FER: variants seen among roughly 807,000 people sequenced by gnomAD.
FER encodes FER tyrosine kinase, also known as tyrosine-protein kinase Fer.
Under a neutral mutation model 111.0 loss-of-function variants are expected in FER, and 63 were observed. The observed-to-expected ratio is 0.57, with a 90% CI of 0.46 to 0.70. FER has a LOEUF of 0.70. Ranked by LOEUF, FER falls within the 30% of genes least tolerant of loss-of-function variation. FER has a pLI of 0.00. For synonymous variants in FER, 327 were observed against 313.9 expected, an observed-to-expected ratio of 1.04 and a Z score of -0.44; for missense variants, 914 against 954.0, an observed-to-expected ratio of 0.96 and a Z score of 0.55.
intron 17 of FER, among the ~76,000 whole-genome samples, chr5:109,114,312 G>T (rs1290828173): frequency 1.3e-5 from 2 of 151,952 alleles, no homozygotes; most frequent in African/African-American, 4.8e-5. Flanking sequence ...TATCACTTTT[G>T]AATTGTGAAA....
intron 10 of FER, among the ~76,000 whole-genome samples, chr5:108,915,442 T>C (rs900659123): frequency 2.0e-5 from 3 of 152,096 alleles, no homozygotes; most frequent in East Asian, 1.9e-4. Flanking sequence ...TCAATCAAAA[T>C]TGACACTCCA....
chr5:109,068,977 T>C (rs961009502), intron 16 of FER, among the ~76,000 whole-genome samples: 1 of 152,210 alleles, frequency 6.6e-6, no homozygotes, highest in Non-Finnish European at 1.5e-5. Flanking sequence ...CCATTTTGGC[T>C]TAGTCCAAAT....
At position 108,832,826 on chromosome 5, in the gene FER, T is replaced by C. The variant is rs568317515; in HGVS notation, c.264T>C (p.His88=). ...TEQLSRIMKT[H]AEDLNSGPLH... ...AACTTAGTAGGATAATGAAGACACA[T>C]GCAGAGGACTTGAACTCTGGACCTT... The change falls in exon 4 of 20, where the codon CAT becomes CAC. Residue 88 remains histidine, a synonymous_variant. Transcript: ENST00000281092. The C allele has an allele frequency of 1.7e-5, 27 of 1,605,154 alleles. No individual in the cohort carries two copies. The East Asian group carries it at 6.1e-4, about 36-fold the overall frequency.
chr5:109,117,229 T>C (rs767065799), intron 17 of FER, among the ~76,000 whole-genome samples: 1 of 152,190 alleles, frequency 6.6e-6, no homozygotes, highest in Non-Finnish European at 1.5e-5. Flanking sequence ...ATTAAATGTT[T>C]AGTCTACTTA....
At chr5:108,952,795 C>T (rs1757943145) in intron 11 of FER, among the ~76,000 whole-genome samples, 1 of 151,936 alleles carries the variant, frequency 6.6e-6, no homozygotes, top group South Asian at 2.1e-4. Context: ...TTAATTAGTT[C>T]ATCGAACTCT....
intron 1 of FER, among the ~76,000 whole-genome samples, chr5:108,765,071 A>C (rs1475300539): frequency 1.3e-5 from 2 of 152,162 alleles, no homozygotes; most frequent in Non-Finnish European, 2.9e-5. Flanking sequence ...TTAGAGATGA[A>C]AGTATGTGTA....
intron 8 of FER, among the ~76,000 whole-genome samples, chr5:108,880,013 C>A (rs912375867): frequency 6.6e-6 from 1 of 151,824 alleles, no homozygotes; most frequent in Non-Finnish European, 1.5e-5. Context: ...TCCTGGCCTC[C>A]CTGTATAATT....
At chr5:108,952,235 A>G (rs1373351582) in intron 11 of FER, among the ~76,000 whole-genome samples, 5 of 152,114 alleles carry the variant, frequency 3.3e-5, no homozygotes, top group African/African-American at 1.2e-4. Context: ...GCTGAGAAAG[A>G]TGGGATATTT....
chr5:108,789,984 T>G (rs900339047), intron 2 of FER, among the ~76,000 whole-genome samples: 4 of 152,278 alleles, frequency 2.6e-5, no homozygotes, highest in African/African-American at 9.6e-5. Flanking sequence ...TTTTTCCAAG[T>G]TACAGAATAA....
chr5:109,132,412 G>A (rs145011895), intron 17 of FER, among the ~76,000 whole-genome samples: 70 of 152,244 alleles, frequency 4.6e-4, no homozygotes, highest in African/African-American at 1.4e-3. Flanking sequence ...ATGCATCAGT[G>A]AACAAAACAA....
rs145014923 is a variant in FER at position 109,059,017 on chromosome 5, G to A, written c.1924+11819G>A. 3.9e-5 allele frequency among the ~76,000 whole-genome samples: 6 copies of A among 152,118 alleles called. No individual in the cohort carries two copies. In the East Asian group the frequency reaches 7.7e-4, roughly 20 times the overall value. On this transcript the variant is annotated intron_variant, in intron 16 of 19. Coordinates refer to ENST00000281092, the MANE Select transcript of FER (RefSeq NM_005246.4). ...AGCCTCCCTAAGTGGTGGGATTACA[G>A]GCGTGAGCCACCATGCCCGGCCAAT...
intron 10 of FER, among the ~76,000 whole-genome samples, chr5:108,904,029 C>T (rs1427090024): frequency 6.6e-6 from 1 of 151,980 alleles, no homozygotes; most frequent in Non-Finnish European, 1.5e-5. Context: ...CTTAATGCAT[C>T]TTAGGTATCA....
chr5:108,933,285 G>A (rs1325037289), intron 10 of FER, among the ~76,000 whole-genome samples: 1 of 152,162 alleles, frequency 6.6e-6, no homozygotes, highest in Non-Finnish European at 1.5e-5. Flanking sequence ...GTGTGAGGAA[G>A]GGGTCCAGTT....
chr5:108,975,701 T>TA (rs1337248942), intron 13 of FER, among the ~76,000 whole-genome samples: 11 of 152,206 alleles, frequency 7.2e-5, no homozygotes, highest in African/African-American at 2.7e-4. Flanking sequence ...CAATGAGATG[T>TA]AAAAATGTAA....
intron 17 of FER, among the ~76,000 whole-genome samples, chr5:109,147,006 T>C (rs1315446783): frequency 6.6e-6 from 1 of 151,960 alleles, no homozygotes. Flanking sequence ...TGTTGAGGAA[T>C]ACAGAATATA....
chr5:108,757,642 G>T (rs1411773154), intron 1 of FER, among the ~76,000 whole-genome samples: 2 of 152,154 alleles, frequency 1.3e-5, no homozygotes, highest in African/African-American at 4.8e-5. Flanking sequence ...TCTTGAAAAT[G>T]TCAGGAATCT....
chr5:109,035,033 C>CTTTTTT (rs554716544), intron 13 of FER, among the ~76,000 whole-genome samples: 2 of 119,668 alleles, frequency 1.7e-5, no homozygotes, highest in African/African-American at 3.2e-5. Flanking sequence ...AGAAATTGAA[C>CTTTTTT]TTTTTTTTTT....
chr5:109,075,870 C>G (rs1776280524), intron 16 of FER, among the ~76,000 whole-genome samples: 2 of 151,778 alleles, frequency 1.3e-5, no homozygotes, highest in South Asian at 4.2e-4. Context: ...TGTTTCTTCC[C>G]TTCTAAAAAC....
intron 13 of FER, among the ~76,000 whole-genome samples, chr5:108,983,190 T>C (rs1471502114): frequency 1.1e-4 from 17 of 152,042 alleles, no homozygotes; most frequent in African/African-American, 3.1e-4. Flanking sequence ...ATTTTGGACA[T>C]AATTGAGCAT....
Sources: gnomAD v4.1 joint callset for allele counts (sites outside exome capture counted in the v4.1 genomes callset) on GRCh38, gnomAD v4.1.1 for gene constraint, MANE v1.5 for transcripts, NCBI Gene and HGNC (gene_info 2026-07-23, HGNC 2026-07-21) for gene names.